KIAA1671: variants seen among roughly 807,000 people sequenced by gnomAD.
The protein encoded by KIAA1671 is uncharacterized protein KIAA1671.
In KIAA1671, 52 loss-of-function variants were observed where a neutral mutation model predicts 131.2. The observed-to-expected ratio is 0.40, with a 90% CI of 0.32 to 0.50. The LOEUF is 0.50. Ranked by LOEUF, KIAA1671 falls within the 20% of genes least tolerant of loss-of-function variation. The probability of loss-of-function intolerance (pLI) is 0.73; values close to 1 mark genes in which losing one functional copy is unlikely to be tolerated. For missense variants in KIAA1671, 2,360 were observed against 2,364.2 expected (o/e 1.00, Z 0.04); for synonymous variants, 1,003 against 961.6 (o/e 1.04, Z -0.80).
At chr22:25,191,145 C>CTTTTT (rs142339652) in intron 12 of KIAA1671, among the ~76,000 whole-genome samples, 5 of 129,072 alleles carry the variant, frequency 3.9e-5, no homozygotes, top group Non-Finnish European at 6.5e-5. Context: ...GAAATGGTTA[C>CTTTTT]TTTTTTTTTT....
intron 1 of KIAA1671, among the ~76,000 whole-genome samples, chr22:24,974,969 CA>C (rs1255346233): frequency 6.6e-6 from 1 of 152,212 alleles, no homozygotes; most frequent in East Asian, 1.9e-4. Context: ...GCTGGGATTA[CA>C]GGCGTGAGCC....
chr22:25,033,416 A>G (rs1926396009), intron 4 of KIAA1671, among the ~76,000 whole-genome samples: 1 of 152,020 alleles, frequency 6.6e-6, no homozygotes, highest in Non-Finnish European at 1.5e-5. Flanking sequence ...AAATTAAAAC[A>G]AAAAGAAGTA....
At chr22:25,051,947 C>T (rs1927553853) in intron 6 of KIAA1671, 1 of 152,280 alleles carries the variant, frequency 6.6e-6, no homozygotes, top group Non-Finnish European at 1.5e-5. Flanking sequence ...ATGTTAGTGA[C>T]CATGAATCCT....
intron 1 of KIAA1671, among the ~76,000 whole-genome samples, chr22:24,965,523 G>A (rs1318945365): frequency 1.3e-5 from 2 of 151,112 alleles, no homozygotes; most frequent in Admixed American, 6.6e-5. Flanking sequence ...GACAGATCAC[G>A]AGGTCAGGAG....
intron 6 of KIAA1671, among the ~76,000 whole-genome samples, chr22:25,137,049 C>G (rs1932709478): frequency 6.6e-6 from 1 of 152,060 alleles, no homozygotes; most frequent in Admixed American, 6.6e-5. Flanking sequence ...AGGTGGTGAG[C>G]CTATAGCAGG....
intron 6 of KIAA1671, among the ~76,000 whole-genome samples, chr22:25,124,581 G>A (rs1299209425): frequency 6.6e-6 from 1 of 152,214 alleles, no homozygotes; most frequent in African/African-American, 2.4e-5. Flanking sequence ...TCAGACAGGT[G>A]ACTTTAATTC....
intron 1 of KIAA1671, chr22:25,013,118 C>G (rs918616219): frequency 6.6e-6 from 1 of 152,126 alleles, no homozygotes; most frequent in African/African-American, 2.4e-5. Flanking sequence ...CTATGCAAGG[C>G]ATTGAATCAA....
chr22:24,954,193 TC>T (rs980074413), intron 1 of KIAA1671, among the ~76,000 whole-genome samples: 2 of 152,074 alleles, frequency 1.3e-5, no homozygotes, highest in Non-Finnish European at 2.9e-5. Context: ...GCCCCTCTGA[TC>T]CCCCCTTGCA....
At chr22:25,148,973 G>T (rs1023625704) in intron 6 of KIAA1671, among the ~76,000 whole-genome samples, 1 of 152,148 alleles carries the variant, frequency 6.6e-6, no homozygotes, top group Non-Finnish European at 1.5e-5. Context: ...AGCGAATTCC[G>T]AAAAGCTCCT....
At position 25,195,829 on chromosome 22, in the gene KIAA1671, A is replaced by G. The variant is rs568984795; in HGVS notation, c.*3428A>G. On this transcript the variant is annotated 3_prime_UTR_variant, in exon 13 of 13. Transcript: ENST00000358431. ...TCCCCAGTGTAGATATTTAAACCAG[A>G]GTAAGTGATGGGGAGACATTCTGTG... is the stretch of plus-strand genomic sequence containing the variant. The G allele has an allele frequency of 2.2e-5, 3 of 138,110 alleles. No individual in the cohort carries two copies. The East Asian group carries it at 7.7e-4, about 35-fold the overall frequency. 8.6% of individuals were successfully genotyped at this position (138,110 alleles called of 1,614,324 possible). A position where few individuals can be genotyped will look rare whatever the true frequency, so the allele number is the denominator to read the frequency against.
At chr22:25,130,538 AAACTT>A (rs1454733650) in intron 6 of KIAA1671, among the ~76,000 whole-genome samples, 2 of 152,254 alleles carry the variant, frequency 1.3e-5, no homozygotes, top group Admixed American at 1.3e-4. Flanking sequence ...CATACTCTGA[AAACTT>A]AATTAAACAC....
chr22:25,179,846 A>G lies in KIAA1671; in HGVS notation c.5075-1853A>G, dbSNP rs545034763. ...TTCCTGAGTTGAAAGATCAGTCCAT[A>G]TATTATCAATCTTTTCTGTTTTCTA... is the stretch of plus-strand genomic sequence containing the variant. On this transcript the variant is annotated intron_variant, in intron 9 of 12. Transcript: ENST00000358431. 3.9e-5 allele frequency among the ~76,000 whole-genome samples: 6 copies of G among 152,260 alleles called. 1 individual carries two copies. The South Asian group carries it at 1.0e-3, about 26-fold the overall frequency.
chr22:25,164,383 A>T lies in KIAA1671; in HGVS notation c.4531-6437A>T, dbSNP rs112302713. On this transcript the variant is annotated intron_variant, in intron 6 of 12. Transcript: ENST00000358431. ...AAGGAAGGGCCGACTGAATGGACTC[A>T]GGGGGTCCGTCCAGGTGTACATTAC... Among the ~76,000 whole-genome samples, 489 of 152,296 alleles carry T rather than the reference A, an allele frequency of 3.2e-3. 2 individuals are homozygous for T. Among genetic ancestry groups the T allele is most frequent in the African/African-American group, 0.011 (471 of 41,556 alleles).
chr22:25,166,878 A>G (rs763513327), intron 6 of KIAA1671, among the ~76,000 whole-genome samples: 14 of 151,948 alleles, frequency 9.2e-5, no homozygotes, highest in Non-Finnish European at 2.1e-4. Flanking sequence ...TGAGCTTAGC[A>G]TACACAGGCA....
At chr22:25,116,430 T>TGTATGTATGTACGTAC (rs1411127036) in intron 6 of KIAA1671, among the ~76,000 whole-genome samples, 5 of 140,154 alleles carry the variant, frequency 3.6e-5, no homozygotes, top group African/African-American at 1.3e-4. Context: ...TATGTATGTA[T>TGTATGTATGTACGTAC]GTACGTATTG....
chr22:25,112,343 T>G (rs975771391), intron 6 of KIAA1671: 5 of 398,838 alleles, frequency 1.3e-5, no homozygotes, highest in African/African-American at 2.1e-5. Context: ...CAAGCGTACT[T>G]CCTCCTTCCG....
At chr22:25,126,618 A>G (rs778591932) in intron 6 of KIAA1671, among the ~76,000 whole-genome samples, 8 of 152,224 alleles carry the variant, frequency 5.3e-5, no homozygotes, top group Non-Finnish European at 1.0e-4. Flanking sequence ...CTTGGTTGTC[A>G]GAACATCTAG....
chr22:25,075,658 A>AT (rs1377210558), intron 6 of KIAA1671, among the ~76,000 whole-genome samples: 92 of 149,752 alleles, frequency 6.1e-4, no homozygotes, highest in Admixed American at 2.3e-3. Flanking sequence ...CACCCAGCTA[A>AT]TTTTTTGTAT....
At chr22:25,001,493 A>G (rs1007908232) in intron 1 of KIAA1671, among the ~76,000 whole-genome samples, 45 of 152,120 alleles carry the variant, frequency 3.0e-4, no homozygotes, top group African/African-American at 1.0e-3. Flanking sequence ...GCCTGCCCCA[A>G]TGTGGACCAG....
Sources: gnomAD v4.1 joint callset for allele counts (sites outside exome capture counted in the v4.1 genomes callset) on GRCh38, gnomAD v4.1.1 for gene constraint, MANE v1.5 for transcripts, NCBI Gene and HGNC (gene_info 2026-07-23, HGNC 2026-07-21) for gene names.